The following DSCAM variants were observed in gnomAD, a reference collection of about 807,000 sequenced individuals.
DSCAM encodes the protein DS cell adhesion molecule.
DSCAM carries 47 observed loss-of-function variants against 217.7 expected under a neutral mutation model. That is an observed-to-expected ratio of 0.22 (90% confidence interval 0.17 to 0.28). The LOEUF is 0.28. DSCAM is among the 10% of genes least tolerant of loss of function. The pLI is 1.00. For synonymous variants in DSCAM, 1,056 were observed against 1,015.3 expected, an observed-to-expected ratio of 1.04 and a Z score of -0.76; for missense variants, 2,080 against 2,618.3, an observed-to-expected ratio of 0.79 and a Z score of 4.49.
chr21:40,023,462 T>A (rs1345584967), intron 32 of DSCAM, among the ~76,000 whole-genome samples: 4 of 150,376 alleles, frequency 2.7e-5, no homozygotes, highest in Admixed American at 6.7e-5. Flanking sequence ...CCACAATGGT[T>A]GAACTAGTTT....
At chr21:40,714,145 T>C (rs1264595554) in intron 1 of DSCAM, among the ~76,000 whole-genome samples, 1 of 152,188 alleles carries the variant, frequency 6.6e-6, no homozygotes, top group Non-Finnish European at 1.5e-5. Context: ...GGGCAGAGAC[T>C]TGTTTTAGAG....
intron 6 of DSCAM, among the ~76,000 whole-genome samples, chr21:40,340,636 G>T (rs1028763066): frequency 4.6e-5 from 7 of 152,086 alleles, no homozygotes; most frequent in Non-Finnish European, 8.8e-5. Context: ...TTTTTTAAAA[G>T]AATTTTTGTG....
intron 8 of DSCAM, among the ~76,000 whole-genome samples, chr21:40,334,835 A>C (rs73355314): frequency 2.0e-3 from 301 of 152,062 alleles, no homozygotes; most frequent in African/African-American, 6.9e-3. Flanking sequence ...TTAAAACCTT[A>C]GTCTGGCCAT....
At chr21:40,769,587 T>C (rs4818171) in intron 1 of DSCAM, among the ~76,000 whole-genome samples, 69,069 of 152,102 alleles carry the variant, frequency 0.45, 16,705 homozygotes, top group African/African-American at 0.61. Context: ...TCATAGCATC[T>C]GCCAAGAGTC....
At chr21:40,068,744 G>A (rs1025209637) in intron 27 of DSCAM, among the ~76,000 whole-genome samples, 2 of 152,290 alleles carry the variant, frequency 1.3e-5, no homozygotes, top group Admixed American at 1.3e-4. Context: ...GGACTCATAT[G>A]TGATTCTGGA....
At chr21:40,216,459 TA>T (rs571796679) in intron 11 of DSCAM, among the ~76,000 whole-genome samples, 1 of 151,988 alleles carries the variant, frequency 6.6e-6, no homozygotes, top group Non-Finnish European at 1.5e-5. Context: ...GGTTGCTTTA[TA>T]AAAAAAGCTT....
At chr21:40,462,422 T>G (rs2075813294) in intron 3 of DSCAM, among the ~76,000 whole-genome samples, 1 of 152,232 alleles carries the variant, frequency 6.6e-6, no homozygotes, top group Admixed American at 6.5e-5. Flanking sequence ...ATGTGATGCA[T>G]GCCTGAGAAC....
In DSCAM at chr21:40,066,602, AT is replaced by A. The variant is rs911043228; in HGVS notation, c.4889-3704del. 3.9e-5 allele frequency among the ~76,000 whole-genome samples: 6 copies of A among 151,918 alleles called. No individual in the cohort carries two copies. In the South Asian group the frequency reaches 8.4e-4, roughly 21 times the overall value. ...TGCTCATTATACGTGTTGCAAATGA[AT>A]TTTTTTTTACAACTTCTATAGAAGA... On this transcript the variant is annotated intron_variant, in intron 27 of 32. Transcript: ENST00000400454.
At chr21:40,052,495 C>T (rs2088949612) in intron 29 of DSCAM, among the ~76,000 whole-genome samples, 2 of 152,192 alleles carry the variant, frequency 1.3e-5, no homozygotes, top group Non-Finnish European at 2.9e-5. Context: ...ATGAGGCTGT[C>T]AATGAAGACA....
intron 3 of DSCAM, among the ~76,000 whole-genome samples, chr21:40,646,742 C>T (rs77058997): frequency 6.6e-6 from 1 of 152,296 alleles, no homozygotes; most frequent in African/African-American, 2.4e-5. Context: ...GGCTGACTGG[C>T]CTTGCTCAGC....
At chr21:40,357,276 A>C (rs1042047512) in intron 4 of DSCAM, among the ~76,000 whole-genome samples, 6 of 152,240 alleles carry the variant, frequency 3.9e-5, no homozygotes, top group African/African-American at 1.4e-4. Flanking sequence ...TTGAAGATCA[A>C]GTTATGTTCC....
rs964390913 is a variant in DSCAM at position 40,062,979 on chromosome 21, A to G, written c.4889-80T>C. 2.3e-6 allele frequency: 3 copies of G among 1,314,098 alleles called. No individual in the cohort carries two copies. In the Admixed American group the frequency reaches 7.2e-5, roughly 32 times the overall value. The allele number at this position is 1,314,098 out of a possible 1,614,324, so 81.4% of individuals were successfully genotyped here. A position where few individuals can be genotyped will look rare whatever the true frequency, so the allele number is the denominator to read the frequency against. On this transcript the variant is annotated intron_variant, in intron 27 of 32. Coordinates refer to ENST00000400454, the MANE Select transcript of DSCAM (RefSeq NM_001389.5). ...TAGGCATTTATGACAAATACTCTACAGTCAGATCAGAACAGTCATTTTGAA... is the reference window on the plus strand; with the variant it reads ...TAGGCATTTATGACAAATACTCTACGGTCAGATCAGAACAGTCATTTTGAA...
chr21:40,116,144 CA>C (rs1443314715), intron 20 of DSCAM, among the ~76,000 whole-genome samples: 1 of 152,066 alleles, frequency 6.6e-6, no homozygotes, highest in Non-Finnish European at 1.5e-5. Context: ...CACAACACAA[CA>C]ACAACACACA....
intron 11 of DSCAM, among the ~76,000 whole-genome samples, chr21:40,269,726 G>A (rs139586594): frequency 1.3e-3 from 199 of 152,204 alleles, no homozygotes; most frequent in African/African-American, 4.5e-3. Context: ...TCCAATCTCT[G>A]TCTTTGCCCA....
At chr21:40,669,633 C>T (rs1268133818) in intron 3 of DSCAM, among the ~76,000 whole-genome samples, 1 of 149,424 alleles carries the variant, frequency 6.7e-6, no homozygotes, top group Non-Finnish European at 1.5e-5. Flanking sequence ...TGTCAGAGTA[C>T]AGCAGCTTGA....
chr21:40,845,540 CCT>C lies in DSCAM; in HGVS notation c.43+1077_43+1078del, dbSNP rs71332310. Among the ~76,000 whole-genome samples, 1,247 of 138,532 alleles carry C rather than the reference CCT, an allele frequency of 9.0e-3. 12 individuals carry two copies. The highest frequency in any genetic ancestry group is 0.015 in the South Asian group (58 of 3,826). The allele number at this position is 138,532 out of a possible 152,430, so 90.9% of individuals were successfully genotyped here. On this transcript the variant is annotated intron_variant, in intron 1 of 32. Coordinates refer to ENST00000400454, the MANE Select transcript of DSCAM (RefSeq NM_001389.5). Reference sequence around the variant, plus strand: ...CTCTTCTTTTACCTTCTCTTCTTCTCCTCTCTCTCTCTCTCTCTCTCTCTCTC... The same window carrying C: ...CTCTTCTTTTACCTTCTCTTCTTCTCCTCTCTCTCTCTCTCTCTCTCTCTC...
chr21:40,307,159 G>A (rs2074086884), intron 9 of DSCAM, among the ~76,000 whole-genome samples: 1 of 151,664 alleles, frequency 6.6e-6, no homozygotes, highest in East Asian at 1.9e-4. Context: ...CTACAAAATG[G>A]GAGAAAATTT....
intron 1 of DSCAM, among the ~76,000 whole-genome samples, chr21:40,844,448 C>T (rs575612277): frequency 1.1e-4 from 16 of 152,158 alleles, no homozygotes; most frequent in African/African-American, 3.6e-4. Flanking sequence ...GATCAGAATA[C>T]GTAATACAGC....
intron 3 of DSCAM, among the ~76,000 whole-genome samples, chr21:40,634,786 G>A (rs141300445): frequency 6.8e-4 from 103 of 152,292 alleles, no homozygotes; most frequent in African/African-American, 2.2e-3. Context: ...ATAACTGAGC[G>A]AGAAGAAAGG....
Sources: gnomAD v4.1 joint callset for allele counts (sites outside exome capture counted in the v4.1 genomes callset) on GRCh38, gnomAD v4.1.1 for gene constraint, MANE v1.5 for transcripts, NCBI Gene and HGNC (gene_info 2026-07-23, HGNC 2026-07-21) for gene names.